Variants in DNAJC5B observed in about 807,000 individuals in gnomAD.
DNAJC5B encodes the protein dnaJ homolog subfamily C member 5B.
DNAJC5B carries 23 observed loss-of-function variants against 24.7 expected under a neutral mutation model. The observed-to-expected ratio is 0.93, with a 90% CI of 0.67 to 1.32. DNAJC5B has a LOEUF of 1.32. Ranked by LOEUF, DNAJC5B falls within the 40% of genes most tolerant of loss-of-function variation. The pLI is 0.00. For synonymous variants in DNAJC5B, 101 were observed against 90.1 expected (o/e 1.12, Z -0.68); for missense variants, 238 against 240.8 (o/e 0.99, Z 0.08).
intron 5 of DNAJC5B, among the ~76,000 whole-genome samples, chr8:66,083,036 GTCTC>G (rs1162692799): frequency 2.2e-3 from 231 of 106,264 alleles, no homozygotes; most frequent in Middle Eastern, 0.018. Context: ...TTGAGATGAA[GTCTC>G]TCTCTCTGTT....
intron 3 of DNAJC5B, among the ~76,000 whole-genome samples, chr8:66,058,553 G>T (rs74812207): frequency 4.6e-5 from 7 of 152,176 alleles, no homozygotes; most frequent in African/African-American, 1.7e-4. Flanking sequence ...GGACGGGAAA[G>T]GGACAGTGTT....
intron 1 of DNAJC5B, among the ~76,000 whole-genome samples, chr8:66,028,495 A>C (rs959868015): frequency 1.3e-5 from 2 of 152,162 alleles, no homozygotes; most frequent in African/African-American, 4.8e-5. Context: ...TACACCCTGA[A>C]GTCAACATGT....
chr8:66,065,847 A>G (rs1807180949), intron 3 of DNAJC5B, among the ~76,000 whole-genome samples: 1 of 152,154 alleles, frequency 6.6e-6, no homozygotes, highest in African/African-American at 2.4e-5. Flanking sequence ...AGAGGGGGTC[A>G]AAAGAGGGGC....
At chr8:66,076,993 A>G (rs1021993164) in intron 4 of DNAJC5B, 120 bp downstream of exon 4, 7 of 999,756 alleles carry the variant, frequency 7.0e-6, no homozygotes, top group Non-Finnish European at 1.0e-5. Context: ...AAATAAAAGG[A>G]GATATTGCTT....
At chr8:66,093,041 T>C (rs1159861351) in intron 5 of DNAJC5B, among the ~76,000 whole-genome samples, 2 of 152,164 alleles carry the variant, frequency 1.3e-5, no homozygotes, top group African/African-American at 4.8e-5. Flanking sequence ...CATTCAGCGT[T>C]GTCCTTCTGA....
At chr8:66,034,364 C>T (rs901260060) in intron 1 of DNAJC5B, among the ~76,000 whole-genome samples, 5 of 151,920 alleles carry the variant, frequency 3.3e-5, no homozygotes, top group Non-Finnish European at 7.4e-5. Context: ...AGCATTCACC[C>T]CACCAGCAGA....
rs529746122 is a variant in DNAJC5B at position 66,062,193 on chromosome 8, G to A, written c.119+10527G>A. On this transcript the variant is annotated intron_variant, in intron 3 of 5. Coordinates refer to ENST00000276570, the MANE Select transcript of DNAJC5B (RefSeq NM_033105.6). ...AAGAATTAGAAAATAGAAAATGTCTGGAAAATGTCTGTTTTCTCCTCGATT... is the reference window on the plus strand; with the variant it reads ...AAGAATTAGAAAATAGAAAATGTCTAGAAAATGTCTGTTTTCTCCTCGATT... 3.3e-5 allele frequency among the ~76,000 whole-genome samples: 5 copies of A among 152,314 alleles called. No homozygotes were observed. The East Asian group carries it at 7.7e-4, about 24-fold the overall frequency.
At chr8:66,039,278 T>C (rs1410697971) in intron 1 of DNAJC5B, among the ~76,000 whole-genome samples, 1 of 152,038 alleles carries the variant, frequency 6.6e-6, no homozygotes, top group Non-Finnish European at 1.5e-5. Flanking sequence ...CCTTGGGCAA[T>C]TCACTCAACC....
chr8:66,018,076 G>A (rs970926742), upstream of DNAJC5B, among the ~76,000 whole-genome samples: 1 of 152,168 alleles, frequency 6.6e-6, no homozygotes. Context: ...AATTTCTTGT[G>A]CATTCAATTT....
intron 2 of DNAJC5B, among the ~76,000 whole-genome samples, chr8:66,050,849 G>A (rs1256052092): frequency 6.6e-6 from 1 of 152,172 alleles, no homozygotes; most frequent in Admixed American, 6.5e-5. Flanking sequence ...AATAAAAATT[G>A]TGTATATTTA....
intron 2 of DNAJC5B, among the ~76,000 whole-genome samples, chr8:66,048,392 C>T (rs541887122): frequency 2.6e-5 from 4 of 152,322 alleles, no homozygotes; most frequent in African/African-American, 9.6e-5. Flanking sequence ...AATGTTGGCC[C>T]AGCCTGGCCT....
At chr8:66,071,641 G>A (rs1169440411) in intron 3 of DNAJC5B, among the ~76,000 whole-genome samples, 2 of 152,160 alleles carry the variant, frequency 1.3e-5, no homozygotes, top group African/African-American at 4.8e-5. Context: ...AGATAGTGTG[G>A]CGATTCCTCA....
At chr8:66,091,078 C>T (rs1807836962) in intron 5 of DNAJC5B, among the ~76,000 whole-genome samples, 1 of 152,146 alleles carries the variant, frequency 6.6e-6, no homozygotes, top group Non-Finnish European at 1.5e-5. Context: ...AGCAAACTTA[C>T]TGGTCAGGTT....
intron 3 of DNAJC5B, among the ~76,000 whole-genome samples, chr8:66,075,377 G>A (rs764681428): frequency 2.0e-5 from 3 of 147,070 alleles, no homozygotes; most frequent in Non-Finnish European, 4.4e-5. Flanking sequence ...TGGAACCATG[G>A]GGGGGGAAAT....
chr8:66,075,372 C>A (rs1321389346), intron 3 of DNAJC5B, among the ~76,000 whole-genome samples: 10 of 151,714 alleles, frequency 6.6e-5, no homozygotes, highest in Non-Finnish European at 1.2e-4. Context: ...ATCTTTGGAA[C>A]CATGGGGGGG....
intron 5 of DNAJC5B, among the ~76,000 whole-genome samples, chr8:66,098,661 G>A (rs7008359): frequency 0.26 from 39,381 of 151,018 alleles, 8,743 homozygotes; most frequent in African/African-American, 0.61. Context: ...CATGTCCTTT[G>A]ACCTCTTTTA....
chr8:66,041,068 G>A (rs1806597926), intron 1 of DNAJC5B, among the ~76,000 whole-genome samples: 1 of 152,038 alleles, frequency 6.6e-6, no homozygotes, highest in South Asian at 2.1e-4. Flanking sequence ...TACAATCAAA[G>A]CAACCACCTG....
intron 1 of DNAJC5B, among the ~76,000 whole-genome samples, chr8:66,039,890 G>A (rs1806570225): frequency 6.6e-6 from 1 of 152,118 alleles, no homozygotes; most frequent in Non-Finnish European, 1.5e-5. Context: ...CTCTTCCAAT[G>A]TACTTTGTTC....
intron 1 of DNAJC5B, among the ~76,000 whole-genome samples, chr8:66,039,793 C>T (rs1200753183): frequency 2.0e-5 from 3 of 152,116 alleles, no homozygotes; most frequent in Admixed American, 1.3e-4. Context: ...GGAACAATTC[C>T]CATTTGTTGT....
Sources: gnomAD v4.1 joint callset for allele counts (sites outside exome capture counted in the v4.1 genomes callset) on GRCh38, gnomAD v4.1.1 for gene constraint, MANE v1.5 for transcripts, NCBI Gene and HGNC (gene_info 2026-07-23, HGNC 2026-07-21) for gene names.